IQCK: variants seen among roughly 807,000 people sequenced by gnomAD.
IQCK encodes the protein IQ domain-containing protein K.
Under a neutral mutation model 28.1 loss-of-function variants are expected in IQCK, and 29 were observed. The ratio of observed to expected loss-of-function variants is 1.03; its 90% CI spans 0.77 to 1.41. IQCK has a LOEUF of 1.41. Ranked by LOEUF, IQCK falls within the 40% of genes most tolerant of loss-of-function variation. The pLI is 0.00. For synonymous variants in IQCK, 113 were observed against 115.1 expected, an observed-to-expected ratio of 0.98 and a Z score of 0.12; for missense variants, 359 against 314.7, an observed-to-expected ratio of 1.14 and a Z score of -1.07.
At chr16:19,718,398 C>G (rs1382333493) in exon 1 of IQCK, 1 of 1,606,292 alleles carries the variant, frequency 6.2e-7, no homozygotes, top group Non-Finnish European at 8.5e-7. Flanking sequence ...CCGGTGCCCA[C>G]CGTGTCTCTC....
chr16:19,768,608 T>C (rs1261864855), intron 6 of IQCK, among the ~76,000 whole-genome samples: 2 of 152,056 alleles, frequency 1.3e-5, no homozygotes, highest in East Asian at 3.9e-4. Context: ...TAGCTGGGCA[T>C]GGTGGTGTGC....
chr16:19,763,859 C>A (rs770534993), exon 5 of IQCK: 1 of 1,612,938 alleles, frequency 6.2e-7, no homozygotes, highest in East Asian at 2.2e-5. Context: ...GGAAAAGAAC[C>A]AAATTCATTG....
At chr16:19,808,696 T>G (rs1341267905) in intron 7 of IQCK, among the ~76,000 whole-genome samples, 2 of 152,160 alleles carry the variant, frequency 1.3e-5, no homozygotes, top group Non-Finnish European at 2.9e-5. Flanking sequence ...TCAAAGTGAT[T>G]AAGAATTTCT....
rs2055302549 is a variant in IQCK, at chr16:19,770,281, T to C, written c.605+6169T>C. On this transcript the variant is annotated intron_variant, in intron 6 of 7. Coordinates refer to ENST00000564186, the Ensembl canonical transcript of IQCK. ...ATGACTTGTTTCAACTTAGCGTCTATGTTGATTTTAAATGACTGACAAGGA... is the reference window on the plus strand; with the variant it reads ...ATGACTTGTTTCAACTTAGCGTCTACGTTGATTTTAAATGACTGACAAGGA... 4.6e-5 allele frequency among the ~76,000 whole-genome samples: 7 copies of C among 152,308 alleles called. No individual in the cohort carries two copies. In the South Asian group the frequency reaches 1.4e-3, roughly 32 times the overall value.
chr16:19,801,284 TTCTCTC>T (rs200001766), intron 7 of IQCK, among the ~76,000 whole-genome samples: 4 of 109,294 alleles, frequency 3.7e-5, no homozygotes, highest in Non-Finnish European at 4.8e-5. Flanking sequence ...TTCACAGTCT[TTCTCTC>T]TCTCTCTCTC....
intron 6 of IQCK, chr16:19,766,044 A>T (rs988367855): frequency 6.6e-6 from 1 of 152,274 alleles, no homozygotes; most frequent in Non-Finnish European, 1.5e-5. Context: ...CGGTCATTTC[A>T]GCTGCACTCC....
At chr16:19,768,102 T>G (rs1391698446) in intron 6 of IQCK, among the ~76,000 whole-genome samples, 1 of 151,258 alleles carries the variant, frequency 6.6e-6, no homozygotes, top group East Asian at 1.9e-4. Context: ...GAAAAAGTAC[T>G]GCATCCAGGA....
chr16:19,849,295 T>G (rs2141121349), intron 9 of IQCK, among the ~76,000 whole-genome samples: 1 of 151,166 alleles, frequency 6.6e-6, no homozygotes, highest in South Asian at 2.1e-4. Context: ...AGATGCTGGG[T>G]TATAACTTAG....
At chr16:19,742,805 C>T (rs2054855894) in intron 4 of IQCK, among the ~76,000 whole-genome samples, 1 of 152,210 alleles carries the variant, frequency 6.6e-6, no homozygotes, top group South Asian at 2.1e-4. Context: ...GACATGGCCC[C>T]CATAGTGCCT....
intron 6 of IQCK, among the ~76,000 whole-genome samples, chr16:19,777,555 T>C (rs916006738): frequency 6.6e-6 from 1 of 152,152 alleles, no homozygotes; most frequent in African/African-American, 2.4e-5. Context: ...GGATAGTAAA[T>C]CGTCTTTGCT....
chr16:19,771,222 G>C (rs570414539), intron 6 of IQCK, among the ~76,000 whole-genome samples: 1 of 152,282 alleles, frequency 6.6e-6, no homozygotes, highest in Non-Finnish European at 1.5e-5. Flanking sequence ...CTCCTGAGTA[G>C]CTGAGGCTAC....
At chr16:19,757,941 G>C (rs1179018918) in intron 4 of IQCK, among the ~76,000 whole-genome samples, 2 of 152,048 alleles carry the variant, frequency 1.3e-5, no homozygotes, top group Non-Finnish European at 2.9e-5. Flanking sequence ...AGAGTAAGTT[G>C]CAGACTTAAT....
chr16:19,736,996 A>AG (rs986728056), intron 4 of IQCK, among the ~76,000 whole-genome samples: 10 of 151,574 alleles, frequency 6.6e-5, no homozygotes, highest in Non-Finnish European at 1.5e-4. Flanking sequence ...AAAAAAAAAA[A>AG]AAAAAGAAAA....
intron 9 of IQCK, among the ~76,000 whole-genome samples, chr16:19,844,396 C>T (rs1421765178): frequency 6.6e-6 from 1 of 152,088 alleles, no homozygotes; most frequent in Non-Finnish European, 1.5e-5. Context: ...TTGAAGACTT[C>T]AGAGTTGAAC....
chr16:19,718,492 G>A lies in IQCK; in HGVS notation c.181+5G>A. 6.3e-7 allele frequency: 1 copy of A among 1,599,006 alleles called. No homozygotes were observed. The highest frequency in any genetic ancestry group is 8.5e-7 in the Non-Finnish European group (1 of 1,173,912). ...TGTGGGAGCAGATCTGCAAGGGTAG[G>A]AAACCTGGGCTGGCCGAGAGGGGCG... On this transcript the variant is annotated splice_donor_5th_base_variant and intron_variant, in intron 1 of 7. Coordinates refer to ENST00000564186, the Ensembl canonical transcript of IQCK.
intron 4 of IQCK, among the ~76,000 whole-genome samples, chr16:19,744,333 G>A (rs1192183703): frequency 6.6e-6 from 1 of 151,994 alleles, no homozygotes; most frequent in East Asian, 1.9e-4. Context: ...GTCTCACTGT[G>A]TTGCCCAGGC....
chr16:19,768,293 G>C (rs1287990037), intron 6 of IQCK, among the ~76,000 whole-genome samples: 1 of 152,140 alleles, frequency 6.6e-6, no homozygotes, highest in Non-Finnish European at 1.5e-5. Context: ...TATTATGGAT[G>C]GACAGTTTGA....
intron 6 of IQCK, among the ~76,000 whole-genome samples, chr16:19,770,378 A>G (rs2055303947): frequency 6.6e-6 from 1 of 152,208 alleles, no homozygotes; most frequent in South Asian, 2.1e-4. Flanking sequence ...TTAAAACAAC[A>G]CAAATTTATT....
intron 1 of IQCK, among the ~76,000 whole-genome samples, chr16:19,723,351 C>A (rs995758348): frequency 2.0e-5 from 3 of 152,188 alleles, no homozygotes; most frequent in African/African-American, 7.2e-5. Flanking sequence ...CGTCCCATCT[C>A]TGTTTACTTT....
Sources: allele counts gnomAD v4.1 joint callset (sites outside exome capture counted in the v4.1 genomes callset), GRCh38; gene constraint gnomAD v4.1.1; transcripts MANE v1.5; gene names NCBI Gene and HGNC (gene_info 2026-07-23, HGNC 2026-07-21).